SNX25: variants seen among roughly 807,000 people sequenced by gnomAD.
SNX25 encodes sorting nexin-25.
A neutral mutation model predicts 113.7 loss-of-function variants in SNX25; 62 were observed. The observed-to-expected ratio is 0.55, with a 90% CI of 0.44 to 0.67. The LOEUF is 0.67. Ranked by LOEUF, SNX25 falls within the 30% of genes least tolerant of loss-of-function variation. The pLI, the probability that SNX25 is intolerant of heterozygous loss-of-function variation, is 0.00. For synonymous variants in SNX25, 421 were observed against 436.2 expected (o/e 0.97, Z 0.43); for missense variants, 1,014 against 1,161.0 (o/e 0.87, Z 1.84).
intron 1 of SNX25, among the ~76,000 whole-genome samples, chr4:185,234,744 C>G (rs1742367875): frequency 6.6e-6 from 1 of 151,796 alleles, no homozygotes; most frequent in African/African-American, 2.4e-5. Context: ...TAACCTGTAT[C>G]TCTGAACTGC....
intron 1 of SNX25, among the ~76,000 whole-genome samples, chr4:185,213,686 T>G (rs186861672): frequency 3.7e-4 from 56 of 152,266 alleles, no homozygotes; most frequent in Admixed American, 3.6e-3. Context: ...CCACAGTTAC[T>G]TGACCCCAGC....
intron 1 of SNX25, among the ~76,000 whole-genome samples, chr4:185,221,792 T>TC (rs397962633): frequency 2.0e-5 from 3 of 151,146 alleles, no homozygotes; most frequent in African/African-American, 7.3e-5. Flanking sequence ...TATATATTGT[T>TC]CTCCTGCCTT....
intron 1 of SNX25, among the ~76,000 whole-genome samples, chr4:185,226,917 C>T (rs1386617161): frequency 1.3e-5 from 2 of 152,096 alleles, no homozygotes; most frequent in Non-Finnish European, 2.9e-5. Context: ...GATGTATTCT[C>T]TTAAGAAAGA....
Position 185,210,363 on chromosome 4 carries a change from G to C in SNX25, c.429+108G>C. 1 of 978,490 alleles carries C rather than the reference G, an allele frequency of 1.0e-6. No individual in the cohort carries two copies. Among genetic ancestry groups the C allele is most frequent in the Non-Finnish European group, 1.2e-6 (1 of 825,588 alleles). The allele number at this position is 978,490 out of a possible 1,614,324, so 60.6% of individuals were successfully genotyped here. The stretch of plus-strand genomic sequence containing the variant: ...GCCGCGGCATGCCCTTGTCGAAGCG[G>C]GAAGCCGGGAGCCAGGGGGCTGGGC... On this transcript the variant is annotated intron_variant, in intron 1 of 18. Coordinates refer to ENST00000652585, the MANE Select transcript of SNX25 (RefSeq NM_001378034.2). This position sits in a 1 kb window ranked among gnomAD's most constrained non-coding sequence, Gnocchi z 4.4.
intron 13 of SNX25, among the ~76,000 whole-genome samples, chr4:185,349,197 A>T (rs182162561): frequency 2.0e-5 from 3 of 152,150 alleles, no homozygotes; most frequent in Non-Finnish European, 4.4e-5. Context: ...ATCACAAAAA[A>T]TTCTCATAAT....
At chr4:185,303,936 A>G (rs1035747965) in intron 6 of SNX25, among the ~76,000 whole-genome samples, 1 of 152,166 alleles carries the variant, frequency 6.6e-6, no homozygotes, top group Non-Finnish European at 1.5e-5. Context: ...AAGTAAGGCA[A>G]ATATTTTTTT....
chr4:185,256,718 C>G (rs945083082), intron 2 of SNX25, among the ~76,000 whole-genome samples: 1 of 151,372 alleles, frequency 6.6e-6, no homozygotes, highest in Non-Finnish European at 1.5e-5. Context: ...CTCCACCTCC[C>G]AGGCTCAAAT....
intron 5 of SNX25, among the ~76,000 whole-genome samples, chr4:185,283,341 G>A (rs1560967372): frequency 6.6e-6 from 1 of 152,210 alleles, no homozygotes; most frequent in East Asian, 1.9e-4. Flanking sequence ...TGCATGGAGT[G>A]TTTAATAAGA....
intron 1 of SNX25, among the ~76,000 whole-genome samples, chr4:185,228,396 G>A (rs555004037): frequency 3.3e-5 from 5 of 152,078 alleles, no homozygotes; most frequent in African/African-American, 7.2e-5. Flanking sequence ...AAAAATGGGG[G>A]CACATGGAGA....
At chr4:185,244,225 C>A (rs1744505327) in intron 1 of SNX25, among the ~76,000 whole-genome samples, 1 of 152,146 alleles carries the variant, frequency 6.6e-6, no homozygotes, top group East Asian at 1.9e-4. Context: ...ACTCCTGACC[C>A]CAGGTGATCC....
chr4:185,216,593 C>T (rs1256857185), intron 1 of SNX25, among the ~76,000 whole-genome samples: 1 of 142,842 alleles, frequency 7.0e-6, no homozygotes, highest in Non-Finnish European at 1.5e-5. Flanking sequence ...AATCTCAGCT[C>T]ACTGTAACTT....
chr4:185,367,300 C>T, downstream of SNX25: 13 of 1,336,564 alleles, frequency 9.7e-6, no homozygotes, highest in Admixed American at 4.6e-5. Context: ...TTGGGTCTTT[C>T]TTCTTTTTTT....
chr4:185,278,526 G>T lies in SNX25; in HGVS notation c.1092-9486G>T, dbSNP rs572916779. Among the ~76,000 whole-genome samples the T allele has an allele frequency of 1.1e-4, 17 of 151,794 alleles. No homozygotes were observed. The South Asian group carries it at 3.5e-3, about 32-fold the overall frequency. Reference sequence around the variant, plus strand: ...ATGAATGAATGAATGAATGAATGTAGTTCTCGGATCATAGTAGTCTTTCAG... The same window carrying T: ...ATGAATGAATGAATGAATGAATGTATTTCTCGGATCATAGTAGTCTTTCAG... On this transcript the variant is annotated intron_variant, in intron 5 of 18. Transcript: ENST00000652585.
At chr4:185,218,499 T>C (rs777648172) in intron 1 of SNX25, among the ~76,000 whole-genome samples, 9 of 152,206 alleles carry the variant, frequency 5.9e-5, no homozygotes, top group Non-Finnish European at 1.0e-4. Flanking sequence ...CAGCTAGGTG[T>C]GTGAGGTATG....
chr4:185,305,735 C>T (rs1299559969), intron 6 of SNX25, among the ~76,000 whole-genome samples: 2 of 152,186 alleles, frequency 1.3e-5, no homozygotes, highest in Non-Finnish European at 2.9e-5. Context: ...AACCCAAATT[C>T]ACCCATTTCC....
chr4:185,362,840 T>A, intron 18 of SNX25, 129 bp downstream of exon 18: 2 of 373,088 alleles, frequency 5.4e-6, no homozygotes, highest in Non-Finnish European at 4.8e-6. Flanking sequence ...CCCTTGACTT[T>A]TTTTTTTTTT....
intron 14 of SNX25, among the ~76,000 whole-genome samples, chr4:185,352,447 G>A (rs1035422207): frequency 2.4e-4 from 36 of 152,142 alleles, no homozygotes; most frequent in African/African-American, 8.5e-4. Flanking sequence ...ACCCACACCT[G>A]CTCCAGTCCA....
intron 2 of SNX25, among the ~76,000 whole-genome samples, chr4:185,251,641 C>T (rs1232706808): frequency 7.2e-6 from 1 of 138,446 alleles, no homozygotes. Flanking sequence ...GTGTGTGCCA[C>T]ATTTTGTTTA....
rs1226289224 is a variant in SNX25 at position 185,261,937 on chromosome 4, A to G, written c.732-2501A>G. ...TGTCCTGGAGAACTAATATTGTCTAATATTGTCTGTGTAGCATCTTATACA... is the reference window on the plus strand; with the variant it reads ...TGTCCTGGAGAACTAATATTGTCTAGTATTGTCTGTGTAGCATCTTATACA... On this transcript the variant is annotated intron_variant, in intron 3 of 18. Coordinates refer to ENST00000652585, the MANE Select transcript of SNX25 (RefSeq NM_001378034.2). Among the ~76,000 whole-genome samples the G allele has an allele frequency of 2.0e-5, 3 of 152,226 alleles. No individual in the cohort carries two copies. In the East Asian group the frequency reaches 5.8e-4, roughly 29 times the overall value.
Sources: gnomAD v4.1 joint callset for allele counts (sites outside exome capture counted in the v4.1 genomes callset) on GRCh38, gnomAD v4.1.1 for gene constraint, Gnocchi (gnomAD v3.1) non-coding constraint, MANE v1.5 for transcripts, NCBI Gene and HGNC (gene_info 2026-07-23, HGNC 2026-07-21) for gene names.